VPS54: variants seen among roughly 807,000 people sequenced by gnomAD.
VPS54 encodes VPS54 subunit of GARP complex, also known as vacuolar protein sorting-associated protein 54.
A neutral mutation model predicts 121.5 loss-of-function variants in VPS54; 45 were observed. The observed-to-expected ratio is 0.37, with a 90% CI of 0.29 to 0.47. The LOEUF (loss-of-function observed/expected upper bound fraction) is 0.47. VPS54 is among the 20% of genes least tolerant of loss of function. VPS54 has a pLI of 0.99. For missense variants in VPS54, 1,090 were observed against 1,131.4 expected, an observed-to-expected ratio of 0.96 and a Z score of 0.52; for synonymous variants, 371 against 385.8, an observed-to-expected ratio of 0.96 and a Z score of 0.45.
At chr2:63,998,675 AAACT>A (rs756764871) in intron 1 of VPS54, among the ~76,000 whole-genome samples, 7 of 152,160 alleles carry the variant, frequency 4.6e-5, no homozygotes, top group African/African-American at 9.7e-5. Flanking sequence ...GGCAAAAAGA[AAACT>A]AATAAAACTC....
At chr2:63,912,165 G>A (rs143842315) in intron 20 of VPS54, among the ~76,000 whole-genome samples, 180 bp downstream of exon 20, 221 of 151,682 alleles carry the variant, frequency 1.5e-3, no homozygotes, top group African/African-American at 4.9e-3. Flanking sequence ...CACTATGGGG[G>A]GTCTTGGTCA....
chr2:63,979,229 T>C (rs1009273199), intron 3 of VPS54, among the ~76,000 whole-genome samples: 2 of 151,530 alleles, frequency 1.3e-5, no homozygotes, highest in Non-Finnish European at 2.9e-5. Flanking sequence ...TTATTCTTTC[T>C]TTTTTCTGTT....
At chr2:63,949,528 T>C (rs550046278) in intron 7 of VPS54, among the ~76,000 whole-genome samples, 2 of 152,336 alleles carry the variant, frequency 1.3e-5, no homozygotes, top group South Asian at 4.1e-4. Context: ...ATATTATGTG[T>C]ACCATATACT....
chr2:63,899,181 TAATA>T (rs1170405888), intron 21 of VPS54, among the ~76,000 whole-genome samples: 6 of 152,214 alleles, frequency 3.9e-5, no homozygotes, highest in Non-Finnish European at 5.9e-5. Context: ...AAGAACAGCG[TAATA>T]AATGATGTAA....
chr2:63,963,651 T>TAC (rs768006168), intron 6 of VPS54, among the ~76,000 whole-genome samples: 6 of 152,118 alleles, frequency 3.9e-5, no homozygotes, highest in Non-Finnish European at 7.4e-5. Context: ...CTAAATAGGT[T>TAC]ACAAACAAGA....
intron 1 of VPS54, among the ~76,000 whole-genome samples, chr2:63,996,449 C>G (rs145497733): frequency 0.012 from 1,866 of 152,128 alleles, 16 homozygotes; most frequent in Non-Finnish European, 0.015. Flanking sequence ...CAAATTGTTC[C>G]CAAAGCATGT....
Position 63,893,477 on chromosome 2 carries a change from T to C in VPS54, c.2887A>G (p.Lys963Glu). 2 of 1,614,128 alleles carry C rather than the reference T, an allele frequency of 1.2e-6. No homozygotes were observed. Among genetic ancestry groups the C allele is most frequent in the Non-Finnish European group, 1.7e-6 (2 of 1,179,988 alleles). Reference sequence around the variant, plus strand: ...TCGGCCATATTTAGGTCCAAATCTTTAAGGCCTTTTAAGGCTTGAAGATTT... The same window carrying C: ...TCGGCCATATTTAGGTCCAAATCTTCAAGGCCTTTTAAGGCTTGAAGATTT... ...TGNLQALKGLKDLDLNMAEIW... is the reference protein window; with the variant it reads ...TGNLQALKGLEDLDLNMAEIW... The change falls in exon 23 of 23, where the codon AAA becomes GAA. Residue 963 changes from lysine (K) to glutamate (E), a missense_variant. By Grantham distance (56) the Lys-to-Glu change is moderately conservative. Around this residue, in one of 2 missense-constraint regions of VPS54, gnomAD observed 289 missense variants for 374.4 expected, o/e 0.77. Coordinates refer to ENST00000272322, the MANE Select transcript of VPS54 (RefSeq NM_016516.3).
chr2:63,961,404 T>A (rs1037158101), intron 7 of VPS54, among the ~76,000 whole-genome samples: 1 of 152,236 alleles, frequency 6.6e-6, no homozygotes, highest in Non-Finnish European at 1.5e-5. Flanking sequence ...TAAAACTTTA[T>A]AGTCACTTAC....
chr2:63,988,289 C>T (rs1392410081), intron 1 of VPS54, among the ~76,000 whole-genome samples: 2 of 152,140 alleles, frequency 1.3e-5, no homozygotes, highest in South Asian at 2.1e-4. Context: ...CTCCTTCATT[C>T]TCTTGATATG....
At chr2:63,931,844 A>T (rs1027344823) in intron 12 of VPS54, among the ~76,000 whole-genome samples, 21 of 152,254 alleles carry the variant, frequency 1.4e-4, no homozygotes, top group African/African-American at 4.3e-4. Flanking sequence ...AAGTGGGCAA[A>T]GGATATGAAC....
chr2:63,902,136 A>C (rs1398500868), intron 20 of VPS54, among the ~76,000 whole-genome samples: 1 of 152,246 alleles, frequency 6.6e-6, no homozygotes, highest in African/African-American at 2.4e-5. Flanking sequence ...ATTCAAGGCC[A>C]GGGATACAGG....
At chr2:64,018,470 A>C (rs1416773254) in intron 1 of VPS54, among the ~76,000 whole-genome samples, 1 of 152,200 alleles carries the variant, frequency 6.6e-6, no homozygotes, top group Non-Finnish European at 1.5e-5. Flanking sequence ...TTCAAGCTAC[A>C]TTGCCAAAAT....
chr2:63,935,753 C>T (rs1029462720), intron 11 of VPS54, among the ~76,000 whole-genome samples: 1 of 152,154 alleles, frequency 6.6e-6, no homozygotes, highest in African/African-American at 2.4e-5. Flanking sequence ...ATAATCAGTG[C>T]ACAGCATTTT....
At chr2:63,928,757 G>GAGT (rs758975020) in intron 12 of VPS54, among the ~76,000 whole-genome samples, 79 of 151,312 alleles carry the variant, frequency 5.2e-4, no homozygotes, top group Admixed American at 2.5e-3. Context: ...GCTACATTCA[G>GAGT]GAGACCCATC....
At chr2:63,994,252 T>G (rs975604435) in intron 1 of VPS54, among the ~76,000 whole-genome samples, 3 of 152,202 alleles carry the variant, frequency 2.0e-5, no homozygotes, top group Non-Finnish European at 2.9e-5. Context: ...ATAACATCCC[T>G]CTGTTCTTCT....
At chr2:63,959,223 A>T (rs1415944478) in intron 7 of VPS54, among the ~76,000 whole-genome samples, 4 of 152,224 alleles carry the variant, frequency 2.6e-5, no homozygotes, top group Admixed American at 2.0e-4. Flanking sequence ...CAAGAAAGTA[A>T]ATCATCATAT....
chr2:63,976,834 T>TC (rs1357508899), intron 3 of VPS54, among the ~76,000 whole-genome samples: 1 of 143,770 alleles, frequency 7.0e-6, no homozygotes, highest in East Asian at 2.0e-4. Context: ...TCTTTTTTTT[T>TC]TTTTTTTTTT....
chr2:63,916,391 C>T (rs1575902627), intron 16 of VPS54, among the ~76,000 whole-genome samples: 2 of 152,090 alleles, frequency 1.3e-5, no homozygotes, highest in Non-Finnish European at 2.9e-5. Flanking sequence ...TCAAATGATG[C>T]CAATGAGAAT....
intron 21 of VPS54, among the ~76,000 whole-genome samples, chr2:63,898,795 C>A (rs1039849891): frequency 9.4e-5 from 14 of 148,622 alleles, no homozygotes; most frequent in East Asian, 7.9e-4. Context: ...AAAAAAAAAA[C>A]AAAACTGGTA....
Sources: gnomAD v4.1 joint callset for allele counts (sites outside exome capture counted in the v4.1 genomes callset) on GRCh38, gnomAD v4.1.1 for gene constraint, gnomAD v4.1.1 regional missense constraint, MANE v1.5 for transcripts, NCBI Gene and HGNC (gene_info 2026-07-23, HGNC 2026-07-21) for gene names.